ARFGEF1: variants seen among roughly 807,000 people sequenced by gnomAD.
The protein encoded by ARFGEF1 is ARF guanine nucleotide exchange factor 1.
ARFGEF1 carries 42 observed loss-of-function variants against 231.0 expected under a neutral mutation model. The observed-to-expected ratio is 0.18, with a 90% CI of 0.14 to 0.24. ARFGEF1 has a LOEUF of 0.24. ARFGEF1 is among the 10% of genes least tolerant of loss of function. The pLI, the probability that ARFGEF1 is intolerant of heterozygous loss-of-function variation, is 1.00. For synonymous variants in ARFGEF1, 710 were observed against 732.3 expected (o/e 0.97, Z 0.49); for missense variants, 1,345 against 2,192.0 (o/e 0.61, Z 7.72).
chr8:67,190,780 C>T (rs376272012), intron 5 of ARFGEF1: 6 of 1,530,120 alleles, frequency 3.9e-6, no homozygotes, highest in Non-Finnish European at 5.4e-6. Flanking sequence ...GACTTTTCTC[C>T]CCCTTTTCAA....
intron 1 of ARFGEF1, among the ~76,000 whole-genome samples, chr8:67,334,295 A>C (rs1219276161): frequency 2.0e-5 from 3 of 151,958 alleles, no homozygotes; most frequent in East Asian, 1.9e-4. Flanking sequence ...AAAAAAAAAA[A>C]AAAAAACAAA....
chr8:67,259,533 A>G (rs1158737024), intron 15 of ARFGEF1, among the ~76,000 whole-genome samples: 1 of 152,146 alleles, frequency 6.6e-6, no homozygotes, highest in Non-Finnish European at 1.5e-5. Context: ...CGGCCAACCA[A>G]GGTTATTCTT....
chr8:67,337,127 T>TCA (rs1808382615), intron 1 of ARFGEF1, among the ~76,000 whole-genome samples: 1 of 28,550 alleles, frequency 3.5e-5, no homozygotes, highest in Non-Finnish European at 5.7e-5. Context: ...TGACGCCGTC[T>TCA]CAAAAAAAAA....
intron 1 of ARFGEF1, among the ~76,000 whole-genome samples, chr8:67,315,091 G>A (rs1162333176): frequency 6.6e-6 from 1 of 152,090 alleles, no homozygotes; most frequent in Non-Finnish European, 1.5e-5. Context: ...GATGGAAAAA[G>A]ATATCAAAAG....
At chr8:67,305,791 T>C (rs1410092076) in intron 1 of ARFGEF1, among the ~76,000 whole-genome samples, 1 of 152,234 alleles carries the variant, frequency 6.6e-6, no homozygotes, top group Non-Finnish European at 1.5e-5. Flanking sequence ...AGGGGATATA[T>C]TCCAAGACCT....
At chr8:67,204,586 A>G in intron 35 of ARFGEF1, 94 bp downstream of exon 35, 1 of 1,412,596 alleles carries the variant, frequency 7.1e-7, no homozygotes, top group Admixed American at 2.3e-5. Flanking sequence ...TGAAGGCCCC[A>G]CAAACTAATT....
Position 67,204,779 on chromosome 8 carries a change from T to C in ARFGEF1, c.4860A>G (p.Lys1620=). 1 of 1,614,052 alleles carries C rather than the reference T, an allele frequency of 6.2e-7. No homozygotes were observed. The part of the protein sequence containing the change: ...EQKLFAALLI[K]CVVQLELIQT... ...GGATGAGTTCCAGCTGCACAACACA[T>C]TTAATCAACAGGGCAGCAAACAATT... is the stretch of plus-strand genomic sequence containing the variant. Residue 1620 remains lysine (K), a synonymous_variant, in exon 35 of 39, where the codon AAA becomes AAG. Coordinates refer to ENST00000262215, the MANE Select transcript of ARFGEF1 (RefSeq NM_006421.5).
chr8:67,288,325 G>C (rs1182217869), intron 6 of ARFGEF1, among the ~76,000 whole-genome samples: 1 of 149,796 alleles, frequency 6.7e-6, no homozygotes, highest in East Asian at 1.9e-4. Flanking sequence ...TTCTAGATTA[G>C]TCCTTTAAGT....
chr8:67,336,617 C>T (rs781120201), intron 1 of ARFGEF1, among the ~76,000 whole-genome samples: 43 of 152,306 alleles, frequency 2.8e-4, no homozygotes, highest in Non-Finnish European at 5.9e-4. Flanking sequence ...ATCTCGTCTC[C>T]ATTTTCACAT....
At chr8:67,239,712 A>T (rs1839872884) in intron 20 of ARFGEF1, among the ~76,000 whole-genome samples, 1 of 152,196 alleles carries the variant, frequency 6.6e-6, no homozygotes, top group Non-Finnish European at 1.5e-5. Context: ...AAGCATATAA[A>T]TTACTAGAAA....
At chr8:67,205,937 A>G (rs1466926753) in intron 34 of ARFGEF1, among the ~76,000 whole-genome samples, 1 of 152,094 alleles carries the variant, frequency 6.6e-6, no homozygotes, top group East Asian at 1.9e-4. Flanking sequence ...CCTATGACAT[A>G]AGAAAATAAC....
At chr8:67,175,538 C>G (rs1586746318) in exon 6 of ARFGEF1, 2 of 1,352,604 alleles carry the variant, frequency 1.5e-6, no homozygotes, top group Non-Finnish European at 1.0e-6. Flanking sequence ...ATCCTCCTTT[C>G]ACTGGCAGCC....
At chr8:67,236,582 C>CG (rs1348330040) in intron 22 of ARFGEF1, among the ~76,000 whole-genome samples, 1 of 151,728 alleles carries the variant, frequency 6.6e-6, no homozygotes, top group Non-Finnish European at 1.5e-5. Flanking sequence ...TCCAACGGGA[C>CG]GGCCCAACGG....
At chr8:67,232,722 GCATAT>G (rs1839595321) in intron 23 of ARFGEF1, 128 bp downstream of exon 23, 1 of 666,384 alleles carries the variant, frequency 1.5e-6, no homozygotes, top group Non-Finnish European at 2.4e-6. Flanking sequence ...CTAAATCACA[GCATAT>G]CACAATATAA....
chr8:67,217,271 T>A (rs1217927100), intron 32 of ARFGEF1, among the ~76,000 whole-genome samples: 2 of 136,738 alleles, frequency 1.5e-5, no homozygotes, highest in African/African-American at 5.7e-5. Flanking sequence ...GCCAATGCAC[T>A]CCAGCCTGGT....
rs567656707 is a variant in ARFGEF1, at chr8:67,262,345, A to AAGTTTGAT, written c.2124-2420_2124-2419insATCAAACT. Among the ~76,000 whole-genome samples, 205 of 152,348 alleles carry AAGTTTGAT rather than the reference A, an allele frequency of 1.3e-3. 2 individuals are homozygous for AAGTTTGAT. Among genetic ancestry groups the AAGTTTGAT allele is most frequent in the African/African-American group, 4.8e-3 (198 of 41,592 alleles). ...GTGAAGATGACACTGAATTGCTGTA[A>AAGTTTGAT]CCTCATGATCAAACTTTAACATATG... is the stretch of plus-strand genomic sequence containing the variant. On this transcript the variant is annotated intron_variant, in intron 14 of 38. Transcript: ENST00000262215.
At chr8:67,333,866 A>G (rs1250829355) in intron 1 of ARFGEF1, among the ~76,000 whole-genome samples, 1 of 152,098 alleles carries the variant, frequency 6.6e-6, no homozygotes, top group South Asian at 2.1e-4. Context: ...GACCAGGTGC[A>G]GTGGCTCATG....
At chr8:67,307,263 T>C (rs1806791639) in intron 1 of ARFGEF1, among the ~76,000 whole-genome samples, 1 of 152,126 alleles carries the variant, frequency 6.6e-6, no homozygotes, top group Non-Finnish European at 1.5e-5. Context: ...ATGAATAAAC[T>C]CACAAAGGAA....
At chr8:67,269,271 A>G (rs940617571) in intron 10 of ARFGEF1, among the ~76,000 whole-genome samples, 2 of 152,098 alleles carry the variant, frequency 1.3e-5, no homozygotes, top group Non-Finnish European at 2.9e-5. Flanking sequence ...ATTCTCATAA[A>G]ATGAATCTTC....
Sources: gnomAD v4.1 joint callset for allele counts (sites outside exome capture counted in the v4.1 genomes callset) on GRCh38, gnomAD v4.1.1 for gene constraint, MANE v1.5 for transcripts, NCBI Gene and HGNC (gene_info 2026-07-23, HGNC 2026-07-21) for gene names.